Variants in MTRES1 observed in about 807,000 individuals in gnomAD.
The protein encoded by MTRES1 is mitochondrial transcription rescue factor 1.
Under a neutral mutation model 17.4 loss-of-function variants are expected in MTRES1, and 11 were observed. The observed-to-expected ratio is 0.63, with a 90% confidence interval of 0.40 to 1.05. MTRES1 has a LOEUF of 1.05. Ranked by LOEUF, MTRES1 falls within the 50% of genes least tolerant of loss-of-function variation. The pLI is 0.00. For missense variants in MTRES1, 268 were observed against 276.2 expected (o/e 0.97, Z 0.21); for synonymous variants, 94 against 99.6 (o/e 0.94, Z 0.34).
At position 107,051,410 on chromosome 6, in the gene MTRES1, C is replaced by A; in HGVS notation, c.*174C>A. ...ACACTTCCCAAGGCCTGCCTCACCT[C>A]CACCCCCTGCCCACCTTGATCCATG... is the stretch of plus-strand genomic sequence containing the variant. On this transcript the variant is annotated 3_prime_UTR_variant, in exon 4 of 4. Coordinates refer to ENST00000311381, the MANE Select transcript of MTRES1 (RefSeq NM_016487.5). 1.8e-6 allele frequency: 1 copy of A among 560,940 alleles called. No individual in the cohort carries two copies. The highest frequency in any genetic ancestry group is 3.1e-5 in the East Asian group (1 of 31,968). The allele number at this position is 560,940 out of a possible 1,614,324, so 34.7% of individuals were successfully genotyped here. A position where few individuals can be genotyped will look rare whatever the true frequency, so the allele number is the denominator to read the frequency against.
intron 1 of MTRES1, among the ~76,000 whole-genome samples, chr6:107,029,449 A>T (rs1191373640): frequency 2.7e-5 from 4 of 150,206 alleles, no homozygotes; most frequent in African/African-American, 4.9e-5. Context: ...AGCCTCCGAC[A>T]GTGCTGGGAT....
At chr6:107,034,117 A>G (rs782528755) in intron 1 of MTRES1, among the ~76,000 whole-genome samples, 3 of 152,204 alleles carry the variant, frequency 2.0e-5, no homozygotes, top group Non-Finnish European at 4.4e-5. Context: ...ACCTGATTCT[A>G]AATAGTTATT....
chr6:107,036,702 G>A (rs942326896), intron 1 of MTRES1, among the ~76,000 whole-genome samples: 3 of 151,810 alleles, frequency 2.0e-5, no homozygotes, highest in Non-Finnish European at 4.4e-5. Context: ...AATTAGTTGG[G>A]CGTGGTGGTG....
intron 2 of MTRES1, among the ~76,000 whole-genome samples, chr6:107,043,896 A>C (rs912255422): frequency 6.6e-6 from 1 of 152,204 alleles, no homozygotes; most frequent in Admixed American, 6.5e-5. Flanking sequence ...TGGGAGGCCA[A>C]GGCGGGCGGA....
Position 107,045,909 on chromosome 6 carries a change from A to G in MTRES1, c.543+1577A>G, listed in dbSNP as rs368789487. Among the ~76,000 whole-genome samples, 42 of 152,332 alleles carry G rather than the reference A, an allele frequency of 2.8e-4. 1 individual carries two copies. In the East Asian group the frequency reaches 6.8e-3, roughly 24 times the overall value. Reference sequence around the variant, plus strand: ...GATCCGAACTACATCCGGTTGCCCTAGGACATGGGAAATTGAGGCTGTCGG... The same window carrying G: ...GATCCGAACTACATCCGGTTGCCCTGGGACATGGGAAATTGAGGCTGTCGG... On this transcript the variant is annotated intron_variant, in intron 3 of 3. Transcript: ENST00000311381.
intron 1 of MTRES1, among the ~76,000 whole-genome samples, chr6:107,038,126 G>A (rs559287610): frequency 2.0e-5 from 3 of 152,238 alleles, no homozygotes; most frequent in African/African-American, 7.2e-5. Flanking sequence ...AAGAGTGGTG[G>A]ATTAATAGAG....
At chr6:107,049,199 C>G (rs1774502310) in intron 3 of MTRES1, among the ~76,000 whole-genome samples, 1 of 152,040 alleles carries the variant, frequency 6.6e-6, no homozygotes, top group South Asian at 2.1e-4. Context: ...AGATAAAAGT[C>G]AGCATTTGAC....
chr6:107,046,470 G>A (rs311246), intron 3 of MTRES1, among the ~76,000 whole-genome samples: 142,957 of 152,074 alleles, frequency 0.94, 67,487 homozygotes, highest in East Asian at 1. Context: ...CATTATTAAC[G>A]CTCAGCTGTC....
rs1033828626 is a variant in MTRES1 at position 107,047,949 on chromosome 6, A to G, written c.544-3108A>G. Among the ~76,000 whole-genome samples the G allele has an allele frequency of 5.3e-5, 8 of 152,258 alleles. No homozygotes were observed. The South Asian group carries it at 1.7e-3, about 32-fold the overall frequency. ...CAAGTTGGTGTGTGTCTGTAGTCGCAGCCACTTGGGAGGCTGAGGAGGGAG... is the reference window on the plus strand; with the variant it reads ...CAAGTTGGTGTGTGTCTGTAGTCGCGGCCACTTGGGAGGCTGAGGAGGGAG... On this transcript the variant is annotated intron_variant, in intron 3 of 3. Transcript: ENST00000311381.
intron 1 of MTRES1, among the ~76,000 whole-genome samples, chr6:107,037,476 G>A (rs1446880760): frequency 3.3e-5 from 5 of 152,112 alleles, no homozygotes; most frequent in African/African-American, 9.7e-5. Context: ...CTCCAAAGTG[G>A]TGGGATTACA....
At chr6:107,028,678 C>A in intron 1 of MTRES1, 1 of 153,010 alleles carries the variant, frequency 6.5e-6, no homozygotes, top group Non-Finnish European at 1.5e-5. Context: ...AGCGTTTAGA[C>A]CAGTTTCTCC....
chr6:107,031,450 C>CT (rs1424194800), intron 1 of MTRES1, among the ~76,000 whole-genome samples: 2,018 of 16,738 alleles, frequency 0.12, 53 homozygotes, highest in African/African-American at 0.23. Context: ...GGAGTCTTTT[C>CT]TTTTTTTTTT....
At chr6:107,040,482 T>TA (rs1220222985) in intron 2 of MTRES1, 1 of 283,080 alleles carries the variant, frequency 3.5e-6, no homozygotes, top group African/African-American at 2.3e-5. Flanking sequence ...ACCATTGATT[T>TA]AAAAACAGCT....
At chr6:107,040,354 A>G in intron 2 of MTRES1, 124 bp downstream of exon 2, 1 of 789,372 alleles carries the variant, frequency 1.3e-6, no homozygotes, top group African/African-American at 1.8e-5. Flanking sequence ...TTTGTAGGTA[A>G]CCTGTTTCAA....
At chr6:107,051,001 C>T in intron 3 of MTRES1, 56 bp from the exon 4 acceptor site, 1 of 1,422,972 alleles carries the variant, frequency 7.0e-7, no homozygotes, top group Non-Finnish European at 9.8e-7. Context: ...GTAATGTTTG[C>T]ATTGGCCTGG....
chr6:107,041,443 G>C (rs1364566305), intron 2 of MTRES1, among the ~76,000 whole-genome samples: 1 of 152,168 alleles, frequency 6.6e-6, no homozygotes, highest in African/African-American at 2.4e-5. Context: ...CACATAGTAA[G>C]TACTCAACAT....
At chr6:107,045,562 A>G (rs1554228312) in intron 3 of MTRES1, among the ~76,000 whole-genome samples, 1 of 152,224 alleles carries the variant, frequency 6.6e-6, no homozygotes, top group African/African-American at 2.4e-5. Flanking sequence ...TGGAATTAAA[A>G]TACTGCTGTT....
At chr6:107,029,191 A>ATTTT (rs35093769) in intron 1 of MTRES1, among the ~76,000 whole-genome samples, 1 of 98,856 alleles carries the variant, frequency 1.0e-5, no homozygotes, top group African/African-American at 4.1e-5. Flanking sequence ...ACACCCGGCT[A>ATTTT]TTTTTTTTTT....
chr6:107,035,807 C>T (rs1420647274), intron 1 of MTRES1, among the ~76,000 whole-genome samples: 2 of 152,020 alleles, frequency 1.3e-5, no homozygotes, highest in African/African-American at 4.8e-5. Flanking sequence ...CACCACCATG[C>T]CTGGCTAATT....
Sources: gnomAD v4.1 joint callset for allele counts (sites outside exome capture counted in the v4.1 genomes callset) on GRCh38, gnomAD v4.1.1 for gene constraint, MANE v1.5 for transcripts, NCBI Gene and HGNC (gene_info 2026-07-23, HGNC 2026-07-21) for gene names.